Variants in ZFPM2 observed in about 807,000 individuals in gnomAD.
ZFPM2 encodes the protein zinc finger protein ZFPM2.
ZFPM2 carries 20 observed loss-of-function variants against 98.6 expected under a neutral mutation model. That is an observed-to-expected ratio of 0.20 (90% CI 0.14 to 0.29). The LOEUF (loss-of-function observed/expected upper bound fraction) is 0.29, where lower values mean the gene tolerates loss of function less well. Among genes scored for constraint, ZFPM2 ranks in the 10% least tolerant of loss-of-function variants. The pLI, the probability that ZFPM2 is intolerant of heterozygous loss-of-function variation, is 1.00. For synonymous variants in ZFPM2, 518 were observed against 502.7 expected (o/e 1.03, Z -0.41); for missense variants, 1,310 against 1,388.6 (o/e 0.94, Z 0.90).
At chr8:105,726,562 G>C (rs1201539849) in intron 5 of ZFPM2, among the ~76,000 whole-genome samples, 2 of 151,760 alleles carry the variant, frequency 1.3e-5, no homozygotes, top group East Asian at 3.9e-4. Context: ...CGCTTCGTTT[G>C]TTTGTGCTAG....
intron 3 of ZFPM2, among the ~76,000 whole-genome samples, chr8:105,500,128 T>C (rs1407059285): frequency 6.6e-6 from 1 of 152,202 alleles, no homozygotes; most frequent in Non-Finnish European, 1.5e-5. Context: ...AGTGGCTAAA[T>C]ATTAAAAACT....
At chr8:105,739,712 T>C in intron 5 of ZFPM2, among the ~76,000 whole-genome samples, 1 of 151,834 alleles carries the variant, frequency 6.6e-6, no homozygotes, top group African/African-American at 2.4e-5. Flanking sequence ...GCAGCTATAG[T>C]TTTTTGTTTT....
intron 4 of ZFPM2, chr8:105,616,782 C>A (rs1422574855): frequency 1.2e-5 from 3 of 256,938 alleles, no homozygotes; most frequent in Non-Finnish European, 2.3e-5. Context: ...CTTTGGGAGG[C>A]CCAGGCGGGT....
chr8:105,486,133 T>A (rs1254350756), intron 3 of ZFPM2, among the ~76,000 whole-genome samples: 2 of 152,014 alleles, frequency 1.3e-5, no homozygotes, highest in Non-Finnish European at 2.9e-5. Flanking sequence ...TAATCCTACT[T>A]CTATAAGTGA....
chr8:105,394,200 T>A (rs1586341003), intron 1 of ZFPM2, among the ~76,000 whole-genome samples: 1 of 152,120 alleles, frequency 6.6e-6, no homozygotes, highest in South Asian at 2.1e-4. Flanking sequence ...GCCATAGACC[T>A]AAATATTTCT....
intron 3 of ZFPM2, among the ~76,000 whole-genome samples, chr8:105,494,111 A>G (rs1296148155): frequency 1.4e-5 from 2 of 147,272 alleles, no homozygotes; most frequent in Non-Finnish European, 3.0e-5. Flanking sequence ...GATCTCACCC[A>G]TATCTGAGGT....
chr8:105,332,072 C>T (rs1812243444), intron 1 of ZFPM2, among the ~76,000 whole-genome samples: 2 of 151,664 alleles, frequency 1.3e-5, no homozygotes, highest in Non-Finnish European at 1.5e-5. Context: ...TACATTTTAT[C>T]TTTATGGGTC....
chr8:105,368,586 C>T (rs1216415978), intron 1 of ZFPM2, among the ~76,000 whole-genome samples: 1 of 152,006 alleles, frequency 6.6e-6, no homozygotes, highest in Non-Finnish European at 1.5e-5. Context: ...AATTTTATTC[C>T]TGATTTATTT....
chr8:105,525,161 C>T (rs192337739), intron 3 of ZFPM2, among the ~76,000 whole-genome samples: 44 of 152,178 alleles, frequency 2.9e-4, no homozygotes, highest in Non-Finnish European at 5.1e-4. Flanking sequence ...ACACACAGAC[C>T]GTCACTAATA....
At chr8:105,527,795 A>C (rs1170613770) in intron 3 of ZFPM2, among the ~76,000 whole-genome samples, 1 of 152,200 alleles carries the variant, frequency 6.6e-6, no homozygotes, top group Non-Finnish European at 1.5e-5. Context: ...CTGTGTTTTA[A>C]AAAGATATAA....
At chr8:105,565,493 A>T (rs552004040) in intron 4 of ZFPM2, among the ~76,000 whole-genome samples, 1 of 152,308 alleles carries the variant, frequency 6.6e-6, no homozygotes, top group Non-Finnish European at 1.5e-5. Flanking sequence ...AGAGAAGATA[A>T]TATTTATCTC....
chr8:105,677,714 AT>A (rs1586192043), intron 5 of ZFPM2, among the ~76,000 whole-genome samples: 1 of 151,348 alleles, frequency 6.6e-6, no homozygotes, highest in African/African-American at 2.4e-5. Flanking sequence ...GAAAAAAAAA[AT>A]AAAGTCTAAA....
intron 5 of ZFPM2, among the ~76,000 whole-genome samples, chr8:105,693,315 C>T (rs983321515): frequency 1.1e-4 from 16 of 152,126 alleles, no homozygotes; most frequent in African/African-American, 3.4e-4. Flanking sequence ...GTCAAGTGTA[C>T]GTGCATTGGT....
At chr8:105,326,992 T>A (rs1812126991) in intron 1 of ZFPM2, among the ~76,000 whole-genome samples, 1 of 151,442 alleles carries the variant, frequency 6.6e-6, no homozygotes. Context: ...TAAAATGAAT[T>A]TAAAAATTAT....
chr8:105,373,674 C>T (rs1415991053), intron 1 of ZFPM2, among the ~76,000 whole-genome samples: 3 of 151,984 alleles, frequency 2.0e-5, no homozygotes. Flanking sequence ...ATATTCAAGC[C>T]AGAGAAAAGC....
chr8:105,359,054 T>G (rs1210816451), intron 1 of ZFPM2, among the ~76,000 whole-genome samples: 1 of 152,198 alleles, frequency 6.6e-6, no homozygotes, highest in Non-Finnish European at 1.5e-5. Flanking sequence ...AAATCCCATT[T>G]TGAATTGTAA....
At chr8:105,468,658 C>T (rs1353207055) in intron 3 of ZFPM2, among the ~76,000 whole-genome samples, 1 of 151,914 alleles carries the variant, frequency 6.6e-6, no homozygotes, top group Non-Finnish European at 1.5e-5. Context: ...TGCCCTATAC[C>T]TAAATCACCA....
chr8:105,683,778 C>A (rs1268776841), intron 5 of ZFPM2, among the ~76,000 whole-genome samples: 1 of 152,130 alleles, frequency 6.6e-6, no homozygotes, highest in Non-Finnish European at 1.5e-5. Flanking sequence ...CTTTCTCTGA[C>A]TTTCTAAAAT....
chr8:105,451,865 C>T (rs1389340960), intron 3 of ZFPM2: 1 of 152,090 alleles, frequency 6.6e-6, no homozygotes, highest in Non-Finnish European at 1.5e-5. Flanking sequence ...ATACTTTTTA[C>T]TATAATTTTT....
Sources: allele counts gnomAD v4.1 joint callset (sites outside exome capture counted in the v4.1 genomes callset), GRCh38; gene constraint gnomAD v4.1.1; transcripts MANE v1.5; gene names NCBI Gene and HGNC (gene_info 2026-07-23, HGNC 2026-07-21).